Variants in MAPK8IP3 observed in about 807,000 individuals in gnomAD.
The protein encoded by MAPK8IP3 is mitogen-activated protein kinase 8 interacting protein 3.
A neutral mutation model predicts 157.8 loss-of-function variants in MAPK8IP3; 49 were observed. The ratio of observed to expected loss-of-function variants is 0.31; its 90% confidence interval spans 0.25 to 0.39. The LOEUF is 0.39. Ranked by LOEUF, MAPK8IP3 falls within the 10% of genes least tolerant of loss-of-function variation. MAPK8IP3 has a pLI of 1.00. For synonymous variants in MAPK8IP3, 897 were observed against 777.7 expected, an observed-to-expected ratio of 1.15 and a Z score of -2.55; for missense variants, 1,478 against 1,889.4, an observed-to-expected ratio of 0.78 and a Z score of 4.04.
In MAPK8IP3 at chr16:1,767,282, G is replaced by C; in HGVS notation, c.3222G>C (p.Lys1074Asn). 6.2e-7 allele frequency: 1 copy of C among 1,613,268 alleles called. No individual in the cohort carries two copies. Among genetic ancestry groups the C allele is most frequent in the Non-Finnish European group, 8.5e-7 (1 of 1,179,996 alleles). The change falls in exon 26 of 32, where the codon AAG becomes AAC. Residue 1074 changes from lysine to asparagine, a missense_variant. Physicochemically the swap from Lys to Asn is moderately conservative, Grantham distance 94. Coordinates refer to ENST00000610761, the MANE Select transcript of MAPK8IP3 (RefSeq NM_001318852.2). ...ACAAGGTGCACGTCATCCAGCCCAA[G>C]ACCATGCAGATAGAGGCGAGTGCCG... The part of the protein sequence containing the change: ...YKNKVHVIQP[K>N]TMQIEKSFDA...
At chr16:1,729,266 G>A (rs1440589798) in intron 3 of MAPK8IP3, 58 bp downstream of exon 3, 26 of 1,567,108 alleles carry the variant, frequency 1.7e-5, no homozygotes, top group Middle Eastern at 3.4e-4. Context: ...GCGGCCTGAC[G>A]CCTGCGACTC....
chr16:1,767,281 A>T lies in MAPK8IP3; in HGVS notation c.3221A>T (p.Lys1074Met). 6.2e-7 allele frequency: 1 copy of T among 1,613,248 alleles called. No individual in the cohort carries two copies. The highest frequency in any genetic ancestry group is 8.5e-7 in the Non-Finnish European group (1 of 1,179,996). ...AACAAGGTGCACGTCATCCAGCCCAAGACCATGCAGATAGAGGCGAGTGCC... is the reference window on the plus strand; with the variant it reads ...AACAAGGTGCACGTCATCCAGCCCATGACCATGCAGATAGAGGCGAGTGCC... ...YKNKVHVIQP[K>M]TMQIEKSFDA... The change falls in exon 26 of 32, where the codon AAG (lysine) becomes ATG (methionine). Residue 1074 changes from lysine (K) to methionine (M), a missense_variant. Physicochemically the swap from Lys to Met is moderately conservative, Grantham distance 95. Transcript: ENST00000610761.
At chr16:1,748,385 A>G (rs905828431) in intron 7 of MAPK8IP3, 39 bp downstream of exon 7, 5 of 1,536,158 alleles carry the variant, frequency 3.3e-6, no homozygotes, top group Non-Finnish European at 4.5e-6. Context: ...CTGGGGGCTC[A>G]GTATTTATCC....
At chr16:1,721,307 CAA>C (rs59666950) in intron 1 of MAPK8IP3, among the ~76,000 whole-genome samples, 60 of 70,552 alleles carry the variant, frequency 8.5e-4, no homozygotes, top group African/African-American at 8.3e-4. Flanking sequence ...CACTCTATCT[CAA>C]AAAAAAAAAA....
intron 12 of MAPK8IP3, 141 bp from the exon 13 acceptor site, chr16:1,761,083 C>T: frequency 2.9e-6 from 2 of 682,934 alleles, no homozygotes; most frequent in South Asian, 3.2e-5. Context: ...AACCAAACGG[C>T]TGCTGAAGGG....
At chr16:1,723,261 C>T (rs1408589605) in intron 1 of MAPK8IP3, among the ~76,000 whole-genome samples, 1 of 151,702 alleles carries the variant, frequency 6.6e-6, no homozygotes, top group African/African-American at 2.4e-5. Context: ...TCTCGAACTC[C>T]TGAGCTCACA....
At chr16:1,758,565 C>T (rs896679996) in intron 9 of MAPK8IP3, among the ~76,000 whole-genome samples, 1 of 152,178 alleles carries the variant, frequency 6.6e-6, no homozygotes, top group Non-Finnish European at 1.5e-5. Context: ...GTGGACAGGC[C>T]GAGTCCTGCT....
In MAPK8IP3 at chr16:1,762,890, T is replaced by C. The variant is rs1596783606; in HGVS notation, c.1782T>C (p.Tyr594=). Residue 594 remains tyrosine, a synonymous_variant, in exon 16 of 32, where the codon TAT becomes TAC. Coordinates refer to ENST00000610761, the MANE Select transcript of MAPK8IP3 (RefSeq NM_001318852.2). ...GCCCCCCTCCGGCCAAGCGCCCCTA[T>C]CCCTCGGTGAACATCCACTACAAGT... ...SSSPPPAKRP[Y]PSVNIHYKSP... is the part of the protein sequence containing the mutation. 1.2e-6 allele frequency: 2 copies of C among 1,613,020 alleles called. No homozygotes were observed. The highest frequency in any genetic ancestry group is 1.7e-6 in the Non-Finnish European group (2 of 1,179,922).
chr16:1,766,504 C>A (rs989447321), intron 22 of MAPK8IP3, 25 bp from the exon 23 acceptor site: 6 of 1,609,360 alleles, frequency 3.7e-6, no homozygotes, highest in East Asian at 2.2e-5. Context: ...CGTGGCCCCC[C>A]CTGGAGCCAC....
At chr16:1,762,308 G>T in intron 13 of MAPK8IP3, 43 bp from the exon 14 acceptor site, 1 of 1,530,854 alleles carries the variant, frequency 6.5e-7, no homozygotes, top group Non-Finnish European at 8.8e-7. Context: ...GTGTCACCCG[G>T]CCTCCGAGGG....
At chr16:1,759,915 G>A in intron 10 of MAPK8IP3, 43 bp from the exon 11 acceptor site, 1 of 1,589,090 alleles carries the variant, frequency 6.3e-7, no homozygotes, top group Non-Finnish European at 8.6e-7. Flanking sequence ...TCAGTGACCT[G>A]TTTTGAAGGG....
intron 5 of MAPK8IP3, chr16:1,744,677 C>G: frequency 1.0e-6 from 1 of 985,510 alleles, no homozygotes; most frequent in Non-Finnish European, 1.2e-6. Context: ...CCGGGGGGAG[C>G]CCTTGCTTGA....
intron 1 of MAPK8IP3, among the ~76,000 whole-genome samples, chr16:1,715,750 A>G (rs1334545677): frequency 6.7e-6 from 1 of 149,018 alleles, no homozygotes; most frequent in African/African-American, 2.5e-5. Context: ...TTTTTTTGAG[A>G]TGGAGTCTCA....
At chr16:1,738,499 C>CGT (rs368703789) in intron 4 of MAPK8IP3, among the ~76,000 whole-genome samples, 1 of 100,744 alleles carries the variant, frequency 9.9e-6, no homozygotes, top group Non-Finnish European at 1.9e-5. Flanking sequence ...TGTGACCGTC[C>CGT]GTGTGTGTGA....
chr16:1,748,458 C>A, intron 7 of MAPK8IP3, 112 bp downstream of exon 7: 2 of 1,157,364 alleles, frequency 1.7e-6, no homozygotes, highest in Non-Finnish European at 2.5e-6. Flanking sequence ...AGGCTGTGGC[C>A]TACCGCCTCC....
intron 8 of MAPK8IP3, 123 bp downstream of exon 8, chr16:1,748,843 C>T: frequency 2.2e-6 from 2 of 899,828 alleles, no homozygotes; most frequent in Non-Finnish European, 3.7e-6. Context: ...TTTTTTTTTC[C>T]AGCTTTGTTG....
chr16:1,713,096 C>G (rs1382660012), intron 1 of MAPK8IP3, among the ~76,000 whole-genome samples: 1 of 152,236 alleles, frequency 6.6e-6, no homozygotes, highest in African/African-American at 2.4e-5. Context: ...TCCGGAAGGT[C>G]AAGGACTGTC....
rs200549935 is a variant in MAPK8IP3, at chr16:1,768,425, G to A, written c.3742+47G>A. 8.9e-4 allele frequency: 1,427 copies of A among 1,596,560 alleles called. 2 individuals are homozygous for A. The highest frequency in any genetic ancestry group is 1.1e-3 in the Non-Finnish European group (1,274 of 1,178,438). On this transcript the variant is annotated intron_variant, in intron 30 of 31. Transcript: ENST00000610761. ...CATCCACATCCCCTGCATGCCAGTG[G>A]CCGCCGCCTCCCCCAGGAGGCCGCT...
intron 5 of MAPK8IP3, chr16:1,745,833 CTGAG>C (rs1270341458): frequency 6.6e-5 from 10 of 152,318 alleles, no homozygotes; most frequent in Non-Finnish European, 1.3e-4. Context: ...AATGTGTCCT[CTGAG>C]TGAGTGGCCG....
Sources: gnomAD v4.1 joint callset for allele counts (sites outside exome capture counted in the v4.1 genomes callset) on GRCh38, gnomAD v4.1.1 for gene constraint, MANE v1.5 for transcripts, NCBI Gene and HGNC (gene_info 2026-07-23, HGNC 2026-07-21) for gene names.